Variants in NKAIN2 observed in about 807,000 individuals in gnomAD.
NKAIN2 encodes sodium/potassium transporting ATPase interacting 2.
Under a neutral mutation model 32.6 loss-of-function variants are expected in NKAIN2, and 14 were observed. The observed-to-expected ratio is 0.43, with a 90% CI of 0.28 to 0.67. The LOEUF is 0.67. NKAIN2 is among the 30% of genes least tolerant of loss of function. The pLI, the probability that NKAIN2 is intolerant of heterozygous loss-of-function variation, is 0.17. For missense variants in NKAIN2, 198 were observed against 258.3 expected, an observed-to-expected ratio of 0.77 and a Z score of 1.60; for synonymous variants, 80 against 87.2, an observed-to-expected ratio of 0.92 and a Z score of 0.46.
chr6:124,210,724 G>GT (rs975092220), intron 1 of NKAIN2, among the ~76,000 whole-genome samples: 1 of 149,512 alleles, frequency 6.7e-6, no homozygotes, highest in African/African-American at 2.5e-5. Flanking sequence ...TTGTTTGTTT[G>GT]TTTTTTGTTT....
chr6:124,193,832 C>T (rs535077764), intron 1 of NKAIN2, among the ~76,000 whole-genome samples: 42 of 152,116 alleles, frequency 2.8e-4, no homozygotes, highest in African/African-American at 8.4e-4. Context: ...CAGGTCCTAG[C>T]AGAGGGGAAA....
chr6:124,009,946 T>C (rs1780249232), intron 1 of NKAIN2, among the ~76,000 whole-genome samples: 1 of 152,138 alleles, frequency 6.6e-6, no homozygotes, highest in Non-Finnish European at 1.5e-5. Flanking sequence ...TATATATGTG[T>C]GTGTGTGTAT....
At chr6:124,031,597 C>A (rs933122070) in intron 1 of NKAIN2, among the ~76,000 whole-genome samples, 3 of 152,148 alleles carry the variant, frequency 2.0e-5, no homozygotes, top group African/African-American at 7.2e-5. Context: ...CCCAGAGATT[C>A]TGGTATGTTG....
At chr6:124,390,915 G>C (rs1478646103) in intron 3 of NKAIN2, 1 of 151,766 alleles carries the variant, frequency 6.6e-6, no homozygotes, top group African/African-American at 2.4e-5. Flanking sequence ...TAAGTTCCAT[G>C]AGGAACTAGG....
chr6:124,428,301 C>T (rs1253701697), intron 3 of NKAIN2, among the ~76,000 whole-genome samples: 1 of 152,062 alleles, frequency 6.6e-6, no homozygotes, highest in Non-Finnish European at 1.5e-5. Context: ...GAGCTGGAGA[C>T]ATGTTTCACC....
intron 1 of NKAIN2, among the ~76,000 whole-genome samples, chr6:124,139,337 C>G (rs535706209): frequency 6.6e-6 from 1 of 151,510 alleles, no homozygotes; most frequent in Non-Finnish European, 1.5e-5. Context: ...ATCCACCCGC[C>G]TCGGCCTCCC....
At chr6:123,995,161 C>G (rs533782188) in intron 1 of NKAIN2, among the ~76,000 whole-genome samples, 51 of 152,208 alleles carry the variant, frequency 3.4e-4, no homozygotes, top group African/African-American at 1.2e-3. Context: ...ATTGCATCCT[C>G]AGGACATTAC....
At chr6:123,904,163 G>A (rs190776493) in intron 1 of NKAIN2, among the ~76,000 whole-genome samples, 16 of 151,968 alleles carry the variant, frequency 1.1e-4, no homozygotes, top group Admixed American at 2.0e-4. Context: ...CCTGGGAGGC[G>A]GAGGTTGTGG....
At chr6:124,694,064 C>T (rs1404395359) in intron 4 of NKAIN2, among the ~76,000 whole-genome samples, 1 of 152,178 alleles carries the variant, frequency 6.6e-6, no homozygotes, top group African/African-American at 2.4e-5. Flanking sequence ...GCATCTTGTA[C>T]ACCCACATTC....
intron 1 of NKAIN2, among the ~76,000 whole-genome samples, chr6:123,807,413 T>C (rs1773264132): frequency 6.6e-6 from 1 of 152,080 alleles, no homozygotes; most frequent in Admixed American, 6.5e-5. Flanking sequence ...TAATTTTCTT[T>C]TTATCATTGC....
chr6:124,484,533 T>C (rs1025251587), intron 3 of NKAIN2, among the ~76,000 whole-genome samples: 2 of 152,200 alleles, frequency 1.3e-5, no homozygotes, highest in African/African-American at 2.4e-5. Context: ...ATAACTCTTA[T>C]ATGATTCAGG....
chr6:124,531,140 C>G (rs1779510312), intron 3 of NKAIN2, among the ~76,000 whole-genome samples: 1 of 152,312 alleles, frequency 6.6e-6, no homozygotes, highest in South Asian at 2.1e-4. Context: ...AGAAGAGGAA[C>G]CTCATTAGAA....
At chr6:124,675,953 T>C (rs947293175) in intron 4 of NKAIN2, among the ~76,000 whole-genome samples, 1 of 152,156 alleles carries the variant, frequency 6.6e-6, no homozygotes, top group African/African-American at 2.4e-5. Context: ...TTTTTTAATG[T>C]ATGCATTTAC....
chr6:124,300,997 A>C (rs1005799688), intron 2 of NKAIN2, among the ~76,000 whole-genome samples: 1 of 152,206 alleles, frequency 6.6e-6, no homozygotes, highest in Non-Finnish European at 1.5e-5. Flanking sequence ...AATGCTAATC[A>C]CCAAGACAAA....
intron 4 of NKAIN2, among the ~76,000 whole-genome samples, chr6:124,681,407 TAAAC>T (rs753321989): frequency 7.9e-4 from 120 of 152,134 alleles, no homozygotes; most frequent in East Asian, 1.5e-3. Flanking sequence ...TTATTAAAAA[TAAAC>T]AAACAAACCC....
intron 1 of NKAIN2, among the ~76,000 whole-genome samples, chr6:123,960,221 G>A (rs1047346768): frequency 2.0e-5 from 3 of 152,174 alleles, no homozygotes; most frequent in Non-Finnish European, 4.4e-5. Flanking sequence ...TTAAAGACAC[G>A]TGTAAGCTGT....
intron 1 of NKAIN2, among the ~76,000 whole-genome samples, chr6:123,914,641 G>A (rs1775400550): frequency 6.6e-6 from 1 of 152,084 alleles, no homozygotes; most frequent in South Asian, 2.1e-4. Context: ...TTTGCTGGAT[G>A]TTACCCACTA....
At chr6:124,364,877 A>G (rs6927156) in intron 3 of NKAIN2, among the ~76,000 whole-genome samples, 127,355 of 151,830 alleles carry the variant, frequency 0.84, 53,547 homozygotes, top group African/African-American at 0.88. Flanking sequence ...GGATTTAAAT[A>G]TTTGTAAAAC....
chr6:123,852,503 C>G (rs928105578), intron 1 of NKAIN2, among the ~76,000 whole-genome samples: 2 of 152,164 alleles, frequency 1.3e-5, no homozygotes, highest in African/African-American at 4.8e-5. Flanking sequence ...ATCCCCTTAA[C>G]TGAGTATATA....
Sources: allele counts gnomAD v4.1 joint callset (sites outside exome capture counted in the v4.1 genomes callset), GRCh38; gene constraint gnomAD v4.1.1; transcripts MANE v1.5; gene names NCBI Gene and HGNC (gene_info 2026-07-23, HGNC 2026-07-21).